MDGA2: variants seen among roughly 807,000 people sequenced by gnomAD.
MDGA2 encodes the protein MAM domain-containing glycosylphosphatidylinositol anchor protein 2.
MDGA2 carries 40 observed loss-of-function variants against 117.8 expected under a neutral mutation model. The ratio of observed to expected loss-of-function variants is 0.34; its 90% CI spans 0.26 to 0.44. MDGA2 has a LOEUF of 0.44. Among genes scored for constraint, MDGA2 ranks in the 20% least tolerant of loss-of-function variants. The probability of loss-of-function intolerance (pLI) is 1.00; values close to 1 mark genes in which losing one functional copy is unlikely to be tolerated. For missense variants in MDGA2, 1,123 were observed against 1,250.6 expected, an observed-to-expected ratio of 0.90 and a Z score of 1.54; for synonymous variants, 452 against 439.0, an observed-to-expected ratio of 1.03 and a Z score of -0.37.
intron 2 of MDGA2, among the ~76,000 whole-genome samples, chr14:47,274,247 C>A (rs1163783067): frequency 1.3e-5 from 2 of 152,106 alleles, no homozygotes; most frequent in African/African-American, 2.4e-5. Flanking sequence ...TTTCCCCAAC[C>A]CCACCAGCCC....
intron 8 of MDGA2, among the ~76,000 whole-genome samples, chr14:46,966,788 T>C (rs1171411286): frequency 6.6e-6 from 1 of 152,072 alleles, no homozygotes; most frequent in Non-Finnish European, 1.5e-5. Context: ...TGGCTCAAGA[T>C]GTCCAGCAAG....
Position 46,859,848 on chromosome 14 carries a change from G to C in MDGA2, c.2753-4694C>G, listed in dbSNP as rs191955604. ...ACATATAAACTTTACATATAATGTA[G>C]TATATAAACTTATTTATATGAATAT... On this transcript the variant is annotated intron_variant, in intron 14 of 16. Coordinates refer to ENST00000399232, the MANE Select transcript of MDGA2 (RefSeq NM_001113498.3). Among the ~76,000 whole-genome samples, 34 of 152,046 alleles carry C rather than the reference G, an allele frequency of 2.2e-4. No individual in the cohort carries two copies. The East Asian group carries it at 6.6e-3, about 29-fold the overall frequency.
chr14:47,294,394 A>C (rs72682159), intron 2 of MDGA2, among the ~76,000 whole-genome samples: 13,828 of 152,018 alleles, frequency 0.091, 767 homozygotes, highest in Non-Finnish European at 0.11. Flanking sequence ...CACTGCACCC[A>C]GCTGATGTGG....
At chr14:46,881,009 A>ACACACAC (rs1882432970) in intron 11 of MDGA2, among the ~76,000 whole-genome samples, 1 of 145,588 alleles carries the variant, frequency 6.9e-6, no homozygotes, top group Non-Finnish European at 1.5e-5. Flanking sequence ...AACTATCACT[A>ACACACAC]ACACACACAC....
chr14:47,137,243 G>T (rs1329556971), intron 4 of MDGA2, among the ~76,000 whole-genome samples: 1 of 152,196 alleles, frequency 6.6e-6, no homozygotes, highest in African/African-American at 2.4e-5. Flanking sequence ...AAATACAATG[G>T]TATGCACATC....
intron 8 of MDGA2, among the ~76,000 whole-genome samples, chr14:46,977,959 A>T (rs1041310249): frequency 6.6e-6 from 1 of 151,976 alleles, no homozygotes; most frequent in Non-Finnish European, 1.5e-5. Context: ...TCCAAAAATG[A>T]GAGTGAGTAG....
intron 3 of MDGA2, among the ~76,000 whole-genome samples, chr14:47,213,914 C>A (rs9989211): frequency 1.3e-5 from 2 of 151,896 alleles, no homozygotes; most frequent in African/African-American, 4.8e-5. Flanking sequence ...GAAAGCAAGG[C>A]ACCTTCTTCG....
rs147730198 is a variant in MDGA2, at chr14:47,543,751, T to C, written c.280+130766A>G. On this transcript the variant is annotated intron_variant, in intron 1 of 16. Transcript: ENST00000399232. ...AAAATCTATAAATCATCAAGGGAGA[T>C]GTTTTGAAAGATGCTATCTAAGAGA... Among the ~76,000 whole-genome samples, 705 of 152,310 alleles carry C rather than the reference T, an allele frequency of 4.6e-3. 4 individuals are homozygous for C. Among genetic ancestry groups the C allele is most frequent in the African/African-American group, 0.016 (656 of 41,586 alleles).
intron 9 of MDGA2, among the ~76,000 whole-genome samples, chr14:46,954,692 G>C (rs527506726): frequency 6.6e-6 from 1 of 151,868 alleles, no homozygotes; most frequent in South Asian, 2.1e-4. Flanking sequence ...TTCAAGATAA[G>C]TTCCTTCTCT....
intron 2 of MDGA2, among the ~76,000 whole-genome samples, chr14:47,279,075 A>G (rs534494842): frequency 6.6e-6 from 1 of 152,266 alleles, no homozygotes; most frequent in South Asian, 2.1e-4. Context: ...TTATACATGT[A>G]CATAGTATAA....
intron 1 of MDGA2, among the ~76,000 whole-genome samples, chr14:47,615,005 G>A (rs903646920): frequency 6.6e-6 from 1 of 151,566 alleles, no homozygotes; most frequent in Non-Finnish European, 1.5e-5. Context: ...ATAATTGGTG[G>A]GCTTAGTAAG....
intron 5 of MDGA2, among the ~76,000 whole-genome samples, chr14:47,126,451 T>G (rs900276718): frequency 1.2e-4 from 18 of 152,088 alleles, no homozygotes; most frequent in Admixed American, 1.2e-3. Context: ...GCAGGAGACA[T>G]TTTCATAGCA....
intron 1 of MDGA2, among the ~76,000 whole-genome samples, chr14:47,423,499 T>C (rs1892621617): frequency 6.6e-6 from 1 of 152,194 alleles, no homozygotes; most frequent in Non-Finnish European, 1.5e-5. Flanking sequence ...CTTGCCCAGA[T>C]GACACAGCTA....
intron 1 of MDGA2, among the ~76,000 whole-genome samples, chr14:47,608,804 C>A (rs182611509): frequency 2.0e-5 from 3 of 152,142 alleles, no homozygotes; most frequent in African/African-American, 7.2e-5. Context: ...AGGATCTTGT[C>A]TGTGATTCAG....
At chr14:47,606,589 C>G (rs909241464) in intron 1 of MDGA2, among the ~76,000 whole-genome samples, 1 of 152,156 alleles carries the variant, frequency 6.6e-6, no homozygotes, top group Non-Finnish European at 1.5e-5. Context: ...TAAAAACTTA[C>G]ATCTGAGGCT....
rs1039226511 is a variant in MDGA2 at position 46,956,231 on chromosome 14, C to CT, written c.2089+1142dup. On this transcript the variant is annotated intron_variant, in intron 9 of 16. Transcript: ENST00000399232. ...TTAGATAACACATAATGTCCAGTTT[C>CT]TTTTTTTTACTACCATGAACATTTC... 3.5e-4 allele frequency among the ~76,000 whole-genome samples: 53 copies of CT among 151,804 alleles called. 1 individual carries two copies. Among genetic ancestry groups the CT allele is most frequent in the African/African-American group, 1.3e-3 (52 of 41,368 alleles).
intron 1 of MDGA2, among the ~76,000 whole-genome samples, chr14:47,508,079 A>T (rs912825373): frequency 2.6e-5 from 4 of 152,230 alleles, no homozygotes; most frequent in Non-Finnish European, 5.9e-5. Flanking sequence ...CTGATATAGT[A>T]GTGTAATCAT....
chr14:46,996,287 C>T (rs1251540489), intron 8 of MDGA2, among the ~76,000 whole-genome samples: 1 of 152,106 alleles, frequency 6.6e-6, no homozygotes, highest in Non-Finnish European at 1.5e-5. Flanking sequence ...CCAAGGAAAA[C>T]CAGTGAAAGG....
At chr14:47,671,444 A>G (rs1332365038) in intron 1 of MDGA2, among the ~76,000 whole-genome samples, 1 of 152,208 alleles carries the variant, frequency 6.6e-6, no homozygotes, top group African/African-American at 2.4e-5. Context: ...AGAGGAGAAA[A>G]GGGATACCCT....
Sources: gnomAD v4.1 joint callset for allele counts (sites outside exome capture counted in the v4.1 genomes callset) on GRCh38, gnomAD v4.1.1 for gene constraint, MANE v1.5 for transcripts, NCBI Gene and HGNC (gene_info 2026-07-23, HGNC 2026-07-21) for gene names.